Variants in THSD7B observed in about 807,000 individuals in gnomAD.
THSD7B encodes the protein thrombospondin type 1 domain containing 7B.
THSD7B carries 138 observed loss-of-function variants against 213.6 expected under a neutral mutation model. The ratio of observed to expected loss-of-function variants is 0.65; its 90% CI spans 0.56 to 0.74. The LOEUF (loss-of-function observed/expected upper bound fraction) is 0.74. Ranked by LOEUF, THSD7B falls within the 30% of genes least tolerant of loss-of-function variation. The pLI is 0.00. For missense variants in THSD7B, 1,931 were observed against 1,991.5 expected (o/e 0.97, Z 0.58); for synonymous variants, 742 against 687.0 (o/e 1.08, Z -1.25).
intron 7 of THSD7B, among the ~76,000 whole-genome samples, chr2:137,228,922 A>G (rs1681577360): frequency 1.3e-5 from 2 of 152,184 alleles, no homozygotes; most frequent in Admixed American, 6.6e-5. Context: ...TAACAATTTC[A>G]TAGTTCTTTA....
chr2:137,415,343 A>G (rs931396815), intron 14 of THSD7B, among the ~76,000 whole-genome samples: 12 of 152,308 alleles, frequency 7.9e-5, no homozygotes, highest in South Asian at 4.1e-4. Flanking sequence ...ATCCATACTA[A>G]TGGATTCCAT....
At chr2:137,454,476 A>G (rs954371525) in intron 15 of THSD7B, among the ~76,000 whole-genome samples, 50 of 145,334 alleles carry the variant, frequency 3.4e-4, no homozygotes, top group Admixed American at 8.2e-4. Context: ...CTATCTATCT[A>G]TGTGTGTGTG....
intron 2 of THSD7B, among the ~76,000 whole-genome samples, chr2:137,031,201 G>A (rs1012846383): frequency 1.0e-5 from 1 of 97,394 alleles, no homozygotes; most frequent in African/African-American, 2.5e-5. Context: ...AAAATTAGCT[G>A]GGCATGGTGG....
chr2:137,288,254 C>G (rs1683230039), intron 12 of THSD7B, among the ~76,000 whole-genome samples: 1 of 152,080 alleles, frequency 6.6e-6, no homozygotes, highest in Non-Finnish European at 1.5e-5. Flanking sequence ...CAAACAAATA[C>G]AAAAGTTGTG....
At chr2:136,920,573 A>G (rs1018043146) in intron 2 of THSD7B, among the ~76,000 whole-genome samples, 2 of 152,164 alleles carry the variant, frequency 1.3e-5, no homozygotes, top group Admixed American at 6.5e-5. Context: ...GCTTCAATGA[A>G]GTTCTGTCTC....
At chr2:136,977,716 T>G (rs1457533684) in intron 2 of THSD7B, among the ~76,000 whole-genome samples, 1 of 152,102 alleles carries the variant, frequency 6.6e-6, no homozygotes, top group Non-Finnish European at 1.5e-5. Flanking sequence ...AATTTCATTA[T>G]TTACCCAGGA....
At chr2:137,268,745 C>T (rs1025211311) in intron 10 of THSD7B, among the ~76,000 whole-genome samples, 1 of 152,112 alleles carries the variant, frequency 6.6e-6, no homozygotes, top group Non-Finnish European at 1.5e-5. Flanking sequence ...ATGCCTTAAC[C>T]ATCTGGAAAT....
chr2:137,563,174 A>G, intron 15 of THSD7B, 47 bp from the exon 16 acceptor site: 2 of 1,592,218 alleles, frequency 1.3e-6, no homozygotes, highest in Non-Finnish European at 1.7e-6. Flanking sequence ...ATTTTTCTAT[A>G]AGTTGGATAG....
At chr2:137,155,388 G>T (rs533002252) in intron 5 of THSD7B, among the ~76,000 whole-genome samples, 1 of 152,306 alleles carries the variant, frequency 6.6e-6, no homozygotes, top group East Asian at 1.9e-4. Flanking sequence ...GGGCCTCATT[G>T]CATTAAGAGA....
In THSD7B at chr2:137,670,857, C is replaced by T. The variant is rs1026047769; in HGVS notation, c.4739+2996C>T. Reference sequence around the variant, plus strand: ...AATGGTGTGAACCCGGGAGGCGGAGCTTGCAGTGAGCCAAGATTGCGCCAC... The same window carrying T: ...AATGGTGTGAACCCGGGAGGCGGAGTTTGCAGTGAGCCAAGATTGCGCCAC... On this transcript the variant is annotated intron_variant, in intron 27 of 27. Transcript: ENST00000409968. 4.1e-5 allele frequency among the ~76,000 whole-genome samples: 6 copies of T among 146,914 alleles called. 1 individual carries two copies. Among genetic ancestry groups the T allele is most frequent in the African/African-American group, 1.3e-4 (5 of 38,720 alleles).
At chr2:137,468,203 C>G (rs574066362) in intron 15 of THSD7B, among the ~76,000 whole-genome samples, 43 of 152,088 alleles carry the variant, frequency 2.8e-4, no homozygotes, top group African/African-American at 9.2e-4. Context: ...GAAATAAGAG[C>G]CTGTATTTAT....
intron 15 of THSD7B, among the ~76,000 whole-genome samples, chr2:137,495,181 G>A (rs917101806): frequency 6.6e-6 from 1 of 152,034 alleles, no homozygotes; most frequent in African/African-American, 2.4e-5. Flanking sequence ...AGTGGTTCCT[G>A]ATGAAAATGC....
At chr2:137,446,578 C>A (rs1254462367) in intron 14 of THSD7B, among the ~76,000 whole-genome samples, 1 of 151,886 alleles carries the variant, frequency 6.6e-6, no homozygotes, top group East Asian at 1.9e-4. Context: ...TACAAAATTA[C>A]AAAGTTTGGT....
At chr2:137,530,243 G>T (rs527846399) in intron 15 of THSD7B, among the ~76,000 whole-genome samples, 1 of 152,062 alleles carries the variant, frequency 6.6e-6, no homozygotes, top group African/African-American at 2.4e-5. Flanking sequence ...CTGGAAAATT[G>T]AACGTTTCAT....
At chr2:137,470,592 T>C (rs1262141250) in intron 15 of THSD7B, among the ~76,000 whole-genome samples, 2 of 152,224 alleles carry the variant, frequency 1.3e-5, no homozygotes, top group Non-Finnish European at 2.9e-5. Context: ...GGAAACTCCA[T>C]GATGTTGCAA....
intron 2 of THSD7B, among the ~76,000 whole-genome samples, chr2:137,028,706 G>C (rs1273581072): frequency 6.6e-6 from 1 of 152,206 alleles, no homozygotes. Flanking sequence ...AGCCCAGCAT[G>C]CTGTGGACGC....
chr2:137,094,796 C>A, intron 3 of THSD7B, 77 bp from the exon 4 acceptor site: 1 of 1,492,358 alleles, frequency 6.7e-7, no homozygotes, highest in Non-Finnish European at 9.0e-7. Flanking sequence ...AGTTTTTTTT[C>A]TCATGGTAGG....
At chr2:136,825,123 G>A (rs999303286) in intron 1 of THSD7B, among the ~76,000 whole-genome samples, 1 of 152,028 alleles carries the variant, frequency 6.6e-6, no homozygotes, top group Non-Finnish European at 1.5e-5. Context: ...TTCAATATTT[G>A]TCTTTTAATG....
At chr2:137,528,736 A>T (rs1191513633) in intron 15 of THSD7B, among the ~76,000 whole-genome samples, 1 of 152,088 alleles carries the variant, frequency 6.6e-6, no homozygotes, top group African/African-American at 2.4e-5. Context: ...AACTTGTATC[A>T]GAATCACTAG....
Sources: allele counts gnomAD v4.1 joint callset (sites outside exome capture counted in the v4.1 genomes callset), GRCh38; gene constraint gnomAD v4.1.1; transcripts MANE v1.5; gene names NCBI Gene and HGNC (gene_info 2026-07-23, HGNC 2026-07-21).